RIC1: variants seen among roughly 807,000 people sequenced by gnomAD.
RIC1 encodes the protein RIC1 partner of RAB6A GEF complex, also known as guanine nucleotide exchange factor subunit RIC1.
In RIC1, 88 loss-of-function variants were observed where a neutral mutation model predicts 169.0. The ratio of observed to expected loss-of-function variants is 0.52; its 90% CI spans 0.44 to 0.62. RIC1 has a LOEUF of 0.62. Ranked by LOEUF, RIC1 falls within the 20% of genes least tolerant of loss-of-function variation. RIC1 has a pLI of 0.00. For synonymous variants in RIC1, 790 were observed against 601.5 expected (o/e 1.31, Z -4.59); for missense variants, 1,877 against 1,725.5 (o/e 1.09, Z -1.56).
At chr9:5,725,303 G>C (rs1419627412) in intron 6 of RIC1, among the ~76,000 whole-genome samples, 2 of 152,120 alleles carry the variant, frequency 1.3e-5, no homozygotes, top group Non-Finnish European at 2.9e-5. Flanking sequence ...TATTTGTCCA[G>C]GAATTTATCC....
intron 17 of RIC1, among the ~76,000 whole-genome samples, chr9:5,760,007 T>C (rs982559615): frequency 2.0e-5 from 3 of 152,230 alleles, no homozygotes; most frequent in African/African-American, 7.2e-5. Context: ...GAGAAGGTGC[T>C]TAATTTGGCT....
intron 2 of RIC1, among the ~76,000 whole-genome samples, chr9:5,666,686 T>C (rs897816331): frequency 5.9e-5 from 9 of 152,232 alleles, no homozygotes; most frequent in African/African-American, 2.2e-4. Flanking sequence ...TTTCATTGAT[T>C]GATTTTCCTA....
intron 1 of RIC1, among the ~76,000 whole-genome samples, chr9:5,645,834 A>T (rs1169170775): frequency 6.6e-6 from 1 of 152,132 alleles, no homozygotes; most frequent in African/African-American, 2.4e-5. Context: ...TACCTCTTGG[A>T]TATTGTGAAT....
rs563967208 is a variant in RIC1 at position 5,776,021 on chromosome 9, G to T, written c.*1775G>T. ...AGAACCAGCATTGCTTTTGTGTTTG[G>T]TGTGAATATTCAGTCAATAAAAATG... On this transcript the variant is annotated 3_prime_UTR_variant, in exon 26 of 26. Transcript: ENST00000414202. 6.6e-6 allele frequency: 1 copy of T among 152,090 alleles called. No homozygotes were observed. 9.4% of individuals were successfully genotyped at this position (152,090 alleles called of 1,614,324 possible). A position where few individuals can be genotyped will look rare whatever the true frequency, so the allele number is the denominator to read the frequency against.
rs148195335 is a variant in RIC1 at position 5,710,313 on chromosome 9, A to G, written c.333-3583A>G. On this transcript the variant is annotated intron_variant, in intron 3 of 25. Transcript: ENST00000414202. ...AGGAAATATACTGTCTGGTTTAACA[A>G]TATGTATTATATTTAACAGAAGAGT... Among the ~76,000 whole-genome samples the G allele has an allele frequency of 1.0e-3, 153 of 152,312 alleles. 1 individual carries two copies. Among genetic ancestry groups the G allele is most frequent in the East Asian group, 3.9e-3 (20 of 5,188 alleles).
chr9:5,684,276 C>G (rs1184164446), intron 2 of RIC1, among the ~76,000 whole-genome samples: 3 of 2,792 alleles, frequency 1.1e-3, no homozygotes, highest in East Asian at 0.017. Flanking sequence ...TTGGCTCCAC[C>G]CCCCCCCCCC....
chr9:5,731,319 G>C (rs1312039055), intron 6 of RIC1, among the ~76,000 whole-genome samples: 2 of 151,966 alleles, frequency 1.3e-5, no homozygotes, highest in Non-Finnish European at 2.9e-5. Flanking sequence ...GCTCACTGCT[G>C]TCTTTACCAT....
chr9:5,667,670 A>G (rs1399492522), intron 2 of RIC1, among the ~76,000 whole-genome samples: 1 of 151,868 alleles, frequency 6.6e-6, no homozygotes, highest in Non-Finnish European at 1.5e-5. Context: ...CGCCTGGCTG[A>G]TTTTGTTTAA....
intron 2 of RIC1, among the ~76,000 whole-genome samples, chr9:5,683,915 A>G (rs1182372617): frequency 6.6e-6 from 1 of 152,126 alleles, no homozygotes; most frequent in African/African-American, 2.4e-5. Context: ...GCAATGAGCG[A>G]GGCTCCGTGG....
chr9:5,642,754 A>G (rs1381299022), intron 1 of RIC1, among the ~76,000 whole-genome samples: 1 of 115,766 alleles, frequency 8.6e-6, no homozygotes, highest in Admixed American at 7.9e-5. Flanking sequence ...AACATAATCC[A>G]TATTATAGTT....
chr9:5,720,880 CAT>C (rs1263865977), intron 6 of RIC1, 130 bp downstream of exon 6: 3 of 796,904 alleles, frequency 3.8e-6, no homozygotes, highest in African/African-American at 1.8e-5. Context: ...TCAAACCAAA[CAT>C]ATAAATAGTA....
chr9:5,721,611 G>T lies in RIC1; in HGVS notation c.720+861G>T, dbSNP rs1823594652. ...TCCCTCTGGATCACCAGTTTCATCT[G>T]GGACAAGGAGTCCCATCTTTCAGCC... On this transcript the variant is annotated intron_variant, in intron 6 of 25. Coordinates refer to ENST00000414202, the MANE Select transcript of RIC1 (RefSeq NM_020829.4). Among the ~76,000 whole-genome samples, 2 of 152,178 alleles carry T rather than the reference G, an allele frequency of 1.3e-5. 1 individual carries two copies. The highest frequency in any genetic ancestry group is 4.1e-4 in the South Asian group (2 of 4,832).
chr9:5,640,195 A>C (rs1818171338), intron 1 of RIC1, among the ~76,000 whole-genome samples: 1 of 152,052 alleles, frequency 6.6e-6, no homozygotes, highest in African/African-American at 2.4e-5. Flanking sequence ...TGGTGCTATG[A>C]TTTAATTTCT....
intron 15 of RIC1, among the ~76,000 whole-genome samples, chr9:5,755,508 C>T (rs1190048755): frequency 2.0e-5 from 3 of 152,206 alleles, no homozygotes; most frequent in Non-Finnish European, 4.4e-5. Context: ...CACCTATTTT[C>T]AGACCATGGT....
chr9:5,771,098 C>T (rs1202753699), intron 23 of RIC1, among the ~76,000 whole-genome samples: 1 of 152,160 alleles, frequency 6.6e-6, no homozygotes, highest in East Asian at 1.9e-4. Flanking sequence ...AACAGCTTAA[C>T]CGTTTTTAAG....
At chr9:5,689,937 A>C in intron 2 of RIC1, 22 bp from the exon 3 acceptor site, 1 of 1,481,386 alleles carries the variant, frequency 6.8e-7, no homozygotes, top group Non-Finnish European at 9.3e-7. Context: ...TTAATTCATG[A>C]TTAATAAAAT....
At chr9:5,664,043 T>C (rs961449661) in intron 2 of RIC1, among the ~76,000 whole-genome samples, 3 of 152,184 alleles carry the variant, frequency 2.0e-5, no homozygotes, top group African/African-American at 7.2e-5. Context: ...AACAGGATCT[T>C]GTTTCTCCTT....
At chr9:5,668,224 G>C (rs1039879157) in intron 2 of RIC1, among the ~76,000 whole-genome samples, 2 of 141,754 alleles carry the variant, frequency 1.4e-5, no homozygotes, top group Non-Finnish European at 3.1e-5. Context: ...CCTCCCGCCA[G>C]GTCCCTCCCA....
chr9:5,777,840 A>G (rs1029894630), downstream of RIC1, among the ~76,000 whole-genome samples: 1 of 152,168 alleles, frequency 6.6e-6, no homozygotes, highest in African/African-American at 2.4e-5. Context: ...ATATCTTCTT[A>G]TGCCAATACC....
Sources: gnomAD v4.1 joint callset for allele counts (sites outside exome capture counted in the v4.1 genomes callset) on GRCh38, gnomAD v4.1.1 for gene constraint, MANE v1.5 for transcripts, NCBI Gene and HGNC (gene_info 2026-07-23, HGNC 2026-07-21) for gene names.